The following TMEM273 variants were observed in gnomAD, a reference collection of about 807,000 sequenced individuals.
TMEM273 encodes the protein transmembrane protein 273.
In TMEM273, 19 loss-of-function variants were observed where a neutral mutation model predicts 17.9. The ratio of observed to expected loss-of-function variants is 1.06; its 90% CI spans 0.74 to 1.55. The LOEUF is 1.55. TMEM273 is among the 40% of genes most tolerant of loss of function. The pLI, the probability that TMEM273 is intolerant of heterozygous loss-of-function variation, is 0.00. For synonymous variants in TMEM273, 66 were observed against 62.0 expected (o/e 1.07, Z -0.31); for missense variants, 194 against 155.6 (o/e 1.25, Z -1.31).
intron 5 of TMEM273, among the ~76,000 whole-genome samples, chr10:49,162,662 G>A (rs188201221): frequency 3.9e-5 from 6 of 152,122 alleles, no homozygotes; most frequent in Non-Finnish European, 7.4e-5. Context: ...GGCTGAGCTG[G>A]CCACAGCAGT....
chr10:49,180,725 G>C (rs1189802046), intron 1 of TMEM273, among the ~76,000 whole-genome samples: 2 of 152,092 alleles, frequency 1.3e-5, no homozygotes, highest in Non-Finnish European at 2.9e-5. Context: ...AGGTGTCAAA[G>C]TAGCCATAAA....
chr10:49,168,673 A>AAAGG (rs1239851736), intron 1 of TMEM273, among the ~76,000 whole-genome samples: 23 of 118,942 alleles, frequency 1.9e-4, no homozygotes, highest in Non-Finnish European at 2.9e-4. Flanking sequence ...AGGAAGGAAG[A>AAAGG]AAGGAAGGAA....
intron 1 of TMEM273, among the ~76,000 whole-genome samples, chr10:49,186,038 A>AGAAGAAGAAGAG (rs1491165507): frequency 0.15 from 16,478 of 108,552 alleles, 1,870 homozygotes; most frequent in East Asian, 0.34. Context: ...AAGAAGAAAA[A>AGAAGAAGAAGAG]GAAGAAGAAG....
intron 1 of TMEM273, chr10:49,178,194 T>G (rs1220691118): frequency 8.7e-6 from 4 of 457,292 alleles, no homozygotes; most frequent in South Asian, 6.2e-5. Flanking sequence ...TCACCTCTCA[T>G]TCTCCCCTCT....
intron 1 of TMEM273, among the ~76,000 whole-genome samples, chr10:49,180,631 A>T (rs932684145): frequency 2.0e-5 from 3 of 152,226 alleles, no homozygotes; most frequent in Admixed American, 6.5e-5. Flanking sequence ...TCATAGCAAG[A>T]ACCAGGACAA....
At chr10:49,161,392 T>C (rs1845831591) in intron 6 of TMEM273, 1 of 632,058 alleles carries the variant, frequency 1.6e-6, no homozygotes, top group Non-Finnish European at 2.8e-6. Flanking sequence ...CAGCTTCATG[T>C]TAAATCTTGC....
At chr10:49,167,793 T>A in intron 2 of TMEM273, 116 bp downstream of exon 2, 1 of 1,371,110 alleles carries the variant, frequency 7.3e-7, no homozygotes, top group Non-Finnish European at 1.0e-6. Context: ...GGTGCCCCTT[T>A]TCCTATGCTG....
At chr10:49,156,162 A>C (rs1403463026) in intron 6 of TMEM273, 1 of 1,518,264 alleles carries the variant, frequency 6.6e-7, no homozygotes, top group East Asian at 2.6e-5. Flanking sequence ...ATCCACTTTG[A>C]TGACAAAAAG....
rs566222910 is a variant in TMEM273 at position 49,155,581 on chromosome 10, C to T, written c.*311G>A. The T allele has an allele frequency of 2.1e-4, 101 of 478,570 alleles. No homozygotes were observed. The highest frequency in any genetic ancestry group is 1.9e-3 in the African/African-American group (95 of 51,102). The allele number at this position is 478,570 out of a possible 1,614,324, so 29.6% of individuals were successfully genotyped here. On this transcript the variant is annotated 3_prime_UTR_variant, in exon 7 of 7. Transcript: ENST00000374153. ...TGGTAGGTTCCACGGACATGGACAC[C>T]ATGGCCTCATGGAAGCATGAACAGC... is the stretch of plus-strand genomic sequence containing the variant.
intron 1 of TMEM273, among the ~76,000 whole-genome samples, chr10:49,176,331 C>T (rs1037827085): frequency 6.6e-6 from 1 of 152,222 alleles, no homozygotes; most frequent in African/African-American, 2.4e-5. Context: ...AGCAAGGGCA[C>T]AAGCCTCTGC....
chr10:49,179,610 TA>T (rs1156333587), intron 1 of TMEM273, among the ~76,000 whole-genome samples: 3 of 152,050 alleles, frequency 2.0e-5, no homozygotes, highest in Non-Finnish European at 4.4e-5. Flanking sequence ...AATATTATAT[TA>T]AAAAAACAAA....
intron 1 of TMEM273, among the ~76,000 whole-genome samples, chr10:49,181,410 C>CT (rs1847333327): frequency 1.3e-5 from 2 of 152,092 alleles, no homozygotes; most frequent in Non-Finnish European, 2.9e-5. Flanking sequence ...TGCGAAAAAT[C>CT]TTTTTTGAAA....
At chr10:49,173,420 G>T (rs1846718128) in intron 1 of TMEM273, among the ~76,000 whole-genome samples, 1 of 152,194 alleles carries the variant, frequency 6.6e-6, no homozygotes, top group Non-Finnish European at 1.5e-5. Flanking sequence ...ACTGGGATGT[G>T]CAAGCCATGC....
chr10:49,185,919 G>T (rs749907581), intron 1 of TMEM273, among the ~76,000 whole-genome samples: 8 of 151,306 alleles, frequency 5.3e-5, no homozygotes, highest in Non-Finnish European at 1.2e-4. Context: ...TGGAGGTTGC[G>T]GTGAGCCGAG....
At position 49,155,775 on chromosome 10, in the gene TMEM273, C is replaced by A; in HGVS notation, c.*117G>T. ...TATTATTTGCCTCCAATATTCAGTC[C>A]ATGTGAAAGTTCATTACCAGCCTTG... On this transcript the variant is annotated 3_prime_UTR_variant, in exon 7 of 7. Transcript: ENST00000374153. 7.0e-7 allele frequency: 1 copy of A among 1,431,832 alleles called. No homozygotes were observed. The highest frequency in any genetic ancestry group is 9.8e-7 in the Non-Finnish European group (1 of 1,021,780). The allele number at this position is 1,431,832 out of a possible 1,614,324, so 88.7% of individuals were successfully genotyped here.
In TMEM273 at chr10:49,166,866, C is replaced by T. The variant is rs751752452; in HGVS notation, c.238+3G>A. The T allele has an allele frequency of 5.0e-6, 8 of 1,613,542 alleles. No homozygotes were observed. The South Asian group carries it at 7.7e-5, about 15-fold the overall frequency. ...AGCCAGGCCCGAGCACCACATCCCT[C>T]ACCACTGAGGCCCCCAGGCGTGCTT... On this transcript the variant is annotated splice_donor_region_variant and intron_variant, in intron 3 of 6. Transcript: ENST00000374153.
intron 3 of TMEM273, 193 bp downstream of exon 3, chr10:49,166,676 A>G (rs1290696800): frequency 2.8e-6 from 2 of 714,682 alleles, no homozygotes; most frequent in Non-Finnish European, 2.3e-6. Context: ...AGAGAGAGAT[A>G]GAGACAGAAG....
chr10:49,156,072 G>T, intron 6 of TMEM273, 163 bp from the exon 7 acceptor site: 1 of 1,545,754 alleles, frequency 6.5e-7, no homozygotes, highest in South Asian at 1.2e-5. Flanking sequence ...GGAACTGAAG[G>T]CCAGTGGCTT....
At chr10:49,178,101 C>T (rs1847106515) in intron 1 of TMEM273, 1 of 440,910 alleles carries the variant, frequency 2.3e-6, no homozygotes, top group African/African-American at 2.0e-5. Context: ...GGCACTCTTC[C>T]TGTAAGGCTG....
Sources: gnomAD v4.1 joint callset for allele counts (sites outside exome capture counted in the v4.1 genomes callset) on GRCh38, gnomAD v4.1.1 for gene constraint, MANE v1.5 for transcripts, NCBI Gene and HGNC (gene_info 2026-07-23, HGNC 2026-07-21) for gene names.